Variants in ITGA8 observed in about 807,000 individuals in gnomAD.
ITGA8 encodes the protein integrin subunit alpha 8, also known as integrin alpha-8.
In ITGA8, 91 loss-of-function variants were observed where a neutral mutation model predicts 142.3. That is an observed-to-expected ratio of 0.64 (90% CI 0.54 to 0.76). ITGA8 has a LOEUF of 0.76. Ranked by LOEUF, ITGA8 falls within the 30% of genes least tolerant of loss-of-function variation. The probability of loss-of-function intolerance (pLI) is 0.00; values close to 1 mark genes in which losing one functional copy is unlikely to be tolerated. For synonymous variants in ITGA8, 505 were observed against 485.2 expected, an observed-to-expected ratio of 1.04 and a Z score of -0.54; for missense variants, 1,406 against 1,327.7, an observed-to-expected ratio of 1.06 and a Z score of -0.92.
intron 15 of ITGA8, among the ~76,000 whole-genome samples, chr10:15,610,421 A>AGC: frequency 6.6e-6 from 1 of 152,228 alleles, no homozygotes; most frequent in Non-Finnish European, 1.5e-5. Context: ...GTAAACTTTC[A>AGC]TTAAATTAGA....
At chr10:15,716,421 G>A (rs765525932) in intron 2 of ITGA8, among the ~76,000 whole-genome samples, 2 of 152,154 alleles carry the variant, frequency 1.3e-5, no homozygotes, top group Non-Finnish European at 2.9e-5. Context: ...CACAAAAGAG[G>A]ACATTGTCTT....
intron 15 of ITGA8, among the ~76,000 whole-genome samples, chr10:15,609,577 C>T (rs187692218): frequency 1.3e-5 from 2 of 152,302 alleles, no homozygotes; most frequent in Admixed American, 6.5e-5. Flanking sequence ...TATTCCGCTT[C>T]CCCAGAGAAA....
At chr10:15,555,143 C>T (rs1195186577) in intron 26 of ITGA8, among the ~76,000 whole-genome samples, 2 of 152,170 alleles carry the variant, frequency 1.3e-5, no homozygotes, top group African/African-American at 2.4e-5. Context: ...TTATTCATGT[C>T]ATAACATTTT....
chr10:15,549,540 C>T (rs1410647883), intron 26 of ITGA8, among the ~76,000 whole-genome samples: 1 of 152,162 alleles, frequency 6.6e-6, no homozygotes, highest in Admixed American at 6.5e-5. Flanking sequence ...CAGATTCCAG[C>T]ATGGAAATAA....
chr10:15,527,764 G>A (rs1833203016), intron 28 of ITGA8, among the ~76,000 whole-genome samples: 1 of 152,040 alleles, frequency 6.6e-6, no homozygotes, highest in Admixed American at 6.6e-5. Context: ...AAAGGGTCTA[G>A]GAAAACAAGC....
At chr10:15,589,819 G>T (rs1215273327) in intron 22 of ITGA8, among the ~76,000 whole-genome samples, 1 of 146,780 alleles carries the variant, frequency 6.8e-6, no homozygotes, top group Non-Finnish European at 1.5e-5. Flanking sequence ...CTGGAGTGCA[G>T]TGGCGCAATC....
At chr10:15,621,964 C>G (rs911262566) in intron 13 of ITGA8, among the ~76,000 whole-genome samples, 1 of 152,058 alleles carries the variant, frequency 6.6e-6, no homozygotes, top group African/African-American at 2.4e-5. Context: ...TCGAGACCAG[C>G]CTGGCCAATG....
intron 6 of ITGA8, among the ~76,000 whole-genome samples, chr10:15,675,782 G>T (rs879619358): frequency 6.6e-6 from 1 of 152,076 alleles, no homozygotes; most frequent in African/African-American, 2.4e-5. Context: ...ATCCCCCAGT[G>T]GTTTTCCATA....
intron 17 of ITGA8, among the ~76,000 whole-genome samples, chr10:15,606,641 T>C (rs544966908): frequency 2.0e-5 from 3 of 152,354 alleles, no homozygotes; most frequent in Admixed American, 6.5e-5. Flanking sequence ...TGCGGCTTCA[T>C]TGAAATACGC....
intron 13 of ITGA8, among the ~76,000 whole-genome samples, 163 bp downstream of exon 13, chr10:15,643,867 C>T (rs1453215804): frequency 1.3e-5 from 2 of 152,192 alleles, no homozygotes; most frequent in Non-Finnish European, 2.9e-5. Context: ...TCTTCAAGTT[C>T]TCATGAAAGT....
chr10:15,578,197 C>G (rs1047193948), intron 23 of ITGA8, among the ~76,000 whole-genome samples: 14 of 152,116 alleles, frequency 9.2e-5, no homozygotes, highest in African/African-American at 3.4e-4. Context: ...TCCTCCATAT[C>G]TCTTGGCAAC....
intron 26 of ITGA8, among the ~76,000 whole-genome samples, chr10:15,554,066 T>G (rs1222569932): frequency 6.6e-6 from 1 of 152,212 alleles, no homozygotes; most frequent in African/African-American, 2.4e-5. Context: ...TAATTTAATA[T>G]GGCGTTATCC....
At chr10:15,678,853 G>T in intron 4 of ITGA8, 70 bp from the exon 5 acceptor site, 4 of 923,412 alleles carry the variant, frequency 4.3e-6, no homozygotes, top group African/African-American at 1.7e-5. Context: ...AACCAATTCA[G>T]GATATTATGT....
intron 22 of ITGA8, among the ~76,000 whole-genome samples, chr10:15,590,542 G>A (rs538197391): frequency 6.6e-6 from 1 of 152,276 alleles, no homozygotes; most frequent in East Asian, 1.9e-4. Flanking sequence ...GTCACTGGAG[G>A]ATCAATGGCA....
At position 15,515,621 on chromosome 10, in the gene ITGA8, A is replaced by G. The variant is rs1332062602; in HGVS notation, c.*1537T>C. The G allele has an allele frequency of 6.7e-6, 1 of 149,022 alleles. No homozygotes were observed. Among genetic ancestry groups the G allele is most frequent in the East Asian group, 2.0e-4 (1 of 5,042 alleles). The allele number at this position is 149,022 out of a possible 1,614,324, so 9.2% of individuals were successfully genotyped here. A position where few individuals can be genotyped will look rare whatever the true frequency, so the allele number is the denominator to read the frequency against. On this transcript the variant is annotated 3_prime_UTR_variant, in exon 30 of 30. Coordinates refer to ENST00000378076, the MANE Select transcript of ITGA8 (RefSeq NM_003638.3). Reference sequence around the variant, plus strand: ...TTTAGGAAATTAATTAAAAAAAAAAACGCCAGTGTAAACATGCTTCAGATA... The same window carrying G: ...TTTAGGAAATTAATTAAAAAAAAAAGCGCCAGTGTAAACATGCTTCAGATA...
chr10:15,608,197 A>C (rs148905059), intron 16 of ITGA8, 38 bp downstream of exon 16: 2 of 1,435,548 alleles, frequency 1.4e-6, no homozygotes, highest in Non-Finnish European at 1.9e-6. Flanking sequence ...CAACTTTCTT[A>C]GTATACCATA....
Position 15,608,277 on chromosome 10 carries a change from C to A in ITGA8, c.1567G>T (p.Val523Leu). ...MTSAACFSLR[V>L]CASVTGQSIA... ...CTCTGGCCTGTGACAGATGCACATA[C>A]TCTTAAAGAAAAGCTATAGAAAATA... Residue 523 changes from valine (V) to leucine (L), a missense_variant, in exon 16 of 30, where the codon GTA (valine) becomes TTA (leucine). Physicochemically the swap from Val to Leu is conservative, Grantham distance 32. Coordinates refer to ENST00000378076, the MANE Select transcript of ITGA8 (RefSeq NM_003638.3). 6.3e-7 allele frequency: 1 copy of A among 1,591,246 alleles called. No individual in the cohort carries two copies. The highest frequency in any genetic ancestry group is 8.5e-7 in the Non-Finnish European group (1 of 1,170,800).
intron 2 of ITGA8, among the ~76,000 whole-genome samples, chr10:15,694,601 T>C (rs1316253523): frequency 7.2e-6 from 1 of 138,276 alleles, no homozygotes; most frequent in Non-Finnish European, 1.5e-5. Flanking sequence ...AATGGATATA[T>C]AATATAGTAA....
intron 20 of ITGA8, among the ~76,000 whole-genome samples, chr10:15,600,436 A>G (rs1833084065): frequency 6.6e-6 from 1 of 152,228 alleles, no homozygotes; most frequent in Admixed American, 6.5e-5. Context: ...GGATAGATAA[A>G]GAGGATGAGG....
Sources: allele counts gnomAD v4.1 joint callset (sites outside exome capture counted in the v4.1 genomes callset), GRCh38; gene constraint gnomAD v4.1.1; transcripts MANE v1.5; gene names NCBI Gene and HGNC (gene_info 2026-07-23, HGNC 2026-07-21).